Variants in IL1RAPL1 observed in about 807,000 individuals in gnomAD.
The protein encoded by IL1RAPL1 is interleukin 1 receptor accessory protein like 1.
In IL1RAPL1, 3 loss-of-function variants were observed where a neutral mutation model predicts 48.4. The observed-to-expected ratio is 0.06, with a 90% CI of 0.03 to 0.16. IL1RAPL1 has a LOEUF of 0.16. Among genes scored for constraint, IL1RAPL1 ranks in the 10% least tolerant of loss-of-function variants. The pLI, the probability that IL1RAPL1 is intolerant of heterozygous loss-of-function variation, is 1.00. For synonymous variants in IL1RAPL1, 185 were observed against 187.7 expected, an observed-to-expected ratio of 0.99 and a Z score of 0.12; for missense variants, 349 against 530.6, an observed-to-expected ratio of 0.66 and a Z score of 3.36.
At chrX:28,914,257 G>A (rs1923431078) in intron 2 of IL1RAPL1, among the ~76,000 whole-genome samples, 1 of 110,611 alleles carries the variant, frequency 9.0e-6, no homozygotes, top group African/African-American at 3.3e-5. Flanking sequence ...CTATACTTAG[G>A]AAATATGGAC....
intron 2 of IL1RAPL1, among the ~76,000 whole-genome samples, chrX:29,160,794 C>T (rs1426965560): frequency 8.9e-6 from 1 of 112,451 alleles, no homozygotes; most frequent in Non-Finnish European, 1.9e-5. Flanking sequence ...TGGCTCATGC[C>T]TGTCATCCCA....
At chrX:29,339,075 TACACAC>T (rs758487838) in intron 3 of IL1RAPL1, among the ~76,000 whole-genome samples, 68 of 92,305 alleles carry the variant, frequency 7.4e-4, no homozygotes, top group African/African-American at 2.2e-3. Context: ...GCTGGGTAAA[TACACAC>T]ACACACACAC....
At position 29,085,621 on chromosome X, in the gene IL1RAPL1, A is replaced by G. The variant is rs1246843932; in HGVS notation, c.83-197317A>G. On this transcript the variant is annotated intron_variant, in intron 2 of 10. Transcript: ENST00000378993. ...TTAAATATAAAGGTAAATATTCCAG[A>G]GAAAGTCTGAAAATGTTGACAGTTT... Among the ~76,000 whole-genome samples, 3 of 111,960 alleles carry G rather than the reference A, an allele frequency of 2.7e-5. No individual in the cohort carries two copies. The Admixed American group carries it at 2.9e-4, about 11-fold the overall frequency.
At chrX:29,836,457 G>T (rs1411331017) in intron 6 of IL1RAPL1, among the ~76,000 whole-genome samples, 1 of 111,613 alleles carries the variant, frequency 9.0e-6, no homozygotes, top group East Asian at 2.8e-4. Flanking sequence ...CCAAAGTGCT[G>T]GGATTACAGG....
intron 6 of IL1RAPL1, among the ~76,000 whole-genome samples, chrX:29,675,995 GATC>G (rs1926276780): frequency 8.9e-6 from 1 of 112,028 alleles, no homozygotes; most frequent in African/African-American, 3.2e-5. Flanking sequence ...TCATCCTCAT[GATC>G]ATCATATTAT....
chrX:29,204,244 A>T (rs966999811), intron 2 of IL1RAPL1, among the ~76,000 whole-genome samples: 13 of 111,936 alleles, frequency 1.2e-4, no homozygotes, highest in Non-Finnish European at 2.4e-4. Context: ...CAGCAGTGGA[A>T]TTGCTGGATC....
chrX:29,222,488 A>G (rs754086319), intron 2 of IL1RAPL1, among the ~76,000 whole-genome samples: 11 of 112,085 alleles, frequency 9.8e-5, no homozygotes, highest in South Asian at 3.7e-4. Context: ...TCAATGAATT[A>G]TTGGAACATA....
intron 1 of IL1RAPL1, among the ~76,000 whole-genome samples, chrX:28,736,446 AT>A (rs1935827088): frequency 9.5e-6 from 1 of 105,400 alleles, no homozygotes. Flanking sequence ...AAAAAAAAAA[AT>A]GATGGCTCAT....
At chrX:28,965,843 C>T (rs376662616) in intron 2 of IL1RAPL1, among the ~76,000 whole-genome samples, 4 of 111,853 alleles carry the variant, frequency 3.6e-5, no homozygotes, top group Non-Finnish European at 7.5e-5. Flanking sequence ...ACAATTTTCT[C>T]GTGACGAATG....
At chrX:29,127,962 TAAA>T (rs386416814) in intron 2 of IL1RAPL1, among the ~76,000 whole-genome samples, 1 of 93,332 alleles carries the variant, frequency 1.1e-5, no homozygotes, top group Non-Finnish European at 2.1e-5. Flanking sequence ...AGACTCGATC[TAAA>T]AAAAAAAAAA....
intron 6 of IL1RAPL1, among the ~76,000 whole-genome samples, chrX:29,758,964 T>C (rs1390703180): frequency 9.0e-6 from 1 of 111,642 alleles, no homozygotes; most frequent in African/African-American, 3.3e-5. Context: ...ATTCTGGGGT[T>C]AATAAGAACA....
In IL1RAPL1 at chrX:29,335,280, G is replaced by GGGAGAGA. The variant is rs1932974596; in HGVS notation, c.362+52069_362+52070insAGGAGAG. Reference sequence around the variant, plus strand: ...GGGAGACGGAGACGGAGACGGAGAGGGGAGAGGGGAGAGGGGAGAGGGGAG... The same window carrying GGGAGAGA: ...GGGAGACGGAGACGGAGACGGAGAGGGGAGAGAGGAGAGGGGAGAGGGGAGAGGGGAG... On this transcript the variant is annotated intron_variant, in intron 3 of 10. Coordinates refer to ENST00000378993, the MANE Select transcript of IL1RAPL1 (RefSeq NM_014271.4). Among the ~76,000 whole-genome samples, 5 of 4,260 alleles carry GGGAGAGA rather than the reference G, an allele frequency of 1.2e-3. 1 individual carries two copies. The highest frequency in any genetic ancestry group is 6.1e-3 in the Non-Finnish European group (5 of 816). 3.7% of individuals were successfully genotyped at this position (4,260 alleles called of 115,157 possible).
At chrX:29,388,658 T>C (rs965675633) in intron 3 of IL1RAPL1, among the ~76,000 whole-genome samples, 3 of 112,212 alleles carry the variant, frequency 2.7e-5, no homozygotes, top group Non-Finnish European at 5.6e-5. Context: ...AACATTATGC[T>C]AAGTAAAAGA....
At chrX:28,865,593 C>T (rs1053383062) in intron 2 of IL1RAPL1, among the ~76,000 whole-genome samples, 9 of 111,757 alleles carry the variant, frequency 8.1e-5, no homozygotes, top group Non-Finnish European at 1.1e-4. Flanking sequence ...TGAGAGGACT[C>T]GGTATGTAAA....
At chrX:28,884,290 AATAC>A (rs1239859104) in intron 2 of IL1RAPL1, among the ~76,000 whole-genome samples, 5 of 112,018 alleles carry the variant, frequency 4.5e-5, no homozygotes, top group Non-Finnish European at 9.4e-5. Flanking sequence ...AAAATACAGA[AATAC>A]ATAAAAATGC....
chrX:29,641,674 G>T (rs903695554), intron 5 of IL1RAPL1, among the ~76,000 whole-genome samples: 8 of 112,566 alleles, frequency 7.1e-5, no homozygotes, highest in Non-Finnish European at 1.3e-4. Context: ...AGTGCCTAGT[G>T]CACAAAGGGC....
chrX:28,982,234 G>C (rs1032996309), intron 2 of IL1RAPL1, among the ~76,000 whole-genome samples: 1 of 111,923 alleles, frequency 8.9e-6, no homozygotes, highest in Non-Finnish European at 1.9e-5. Context: ...CAGTGGTGCT[G>C]CCTAACTCTT....
chrX:29,535,862 C>T (rs764140939), intron 5 of IL1RAPL1, among the ~76,000 whole-genome samples: 2 of 112,017 alleles, frequency 1.8e-5, no homozygotes, highest in African/African-American at 6.5e-5. Context: ...TCAGAAAAAG[C>T]TTCAAACTTG....
chrX:29,867,488 A>G (rs745775847), intron 6 of IL1RAPL1, among the ~76,000 whole-genome samples: 3 of 111,923 alleles, frequency 2.7e-5, no homozygotes, highest in Non-Finnish European at 5.6e-5. Flanking sequence ...CACAGCATTC[A>G]AGGCACCATC....
Sources: allele counts gnomAD v4.1 joint callset (sites outside exome capture counted in the v4.1 genomes callset), GRCh38; gene constraint gnomAD v4.1.1; transcripts MANE v1.5; gene names NCBI Gene and HGNC (gene_info 2026-07-23, HGNC 2026-07-21).